Variants in DHRS7B observed in about 807,000 individuals in gnomAD.
DHRS7B encodes dehydrogenase/reductase 7B.
In DHRS7B, 24 loss-of-function variants were observed where a neutral mutation model predicts 26.4. The ratio of observed to expected loss-of-function variants is 0.91; its 90% CI spans 0.66 to 1.28. The LOEUF (loss-of-function observed/expected upper bound fraction) is 1.28, where lower values mean the gene tolerates loss of function less well. DHRS7B is among the 50% of genes most tolerant of loss of function. DHRS7B has a pLI of 0.00. For missense variants in DHRS7B, 368 were observed against 419.4 expected, an observed-to-expected ratio of 0.88 and a Z score of 1.07; for synonymous variants, 142 against 166.4, an observed-to-expected ratio of 0.85 and a Z score of 1.13.
intron 1 of DHRS7B, among the ~76,000 whole-genome samples, chr17:21,138,513 G>A (rs1321214250): frequency 2.6e-5 from 4 of 151,702 alleles, no homozygotes; most frequent in Admixed American, 6.6e-5. Flanking sequence ...GTGAGCCACC[G>A]CGCCTGGCAA....
intron 5 of DHRS7B, among the ~76,000 whole-genome samples, chr17:21,187,990 A>T (rs1974685392): frequency 6.6e-6 from 1 of 152,026 alleles, no homozygotes; most frequent in African/African-American, 2.4e-5. Context: ...CTGGGACTAC[A>T]GGCACCCGCC....
At chr17:21,167,844 T>C (rs1435683818) in intron 1 of DHRS7B, among the ~76,000 whole-genome samples, 1 of 152,262 alleles carries the variant, frequency 6.6e-6, no homozygotes, top group Admixed American at 6.5e-5. Context: ...ATAAAATGCA[T>C]GATTGATAAA....
At chr17:21,141,413 A>G (rs1973506278) in intron 1 of DHRS7B, among the ~76,000 whole-genome samples, 1 of 152,152 alleles carries the variant, frequency 6.6e-6, no homozygotes, top group South Asian at 2.1e-4. Flanking sequence ...AACTAGAATT[A>G]GGTTCCTTAA....
chr17:21,181,066 G>C (rs547911953), intron 3 of DHRS7B, among the ~76,000 whole-genome samples: 35 of 152,152 alleles, frequency 2.3e-4, no homozygotes, highest in Non-Finnish European at 7.3e-5. Flanking sequence ...CAATAGCAGA[G>C]ACTGGGTGAT....
At chr17:21,172,356 A>G in intron 2 of DHRS7B, 160 bp downstream of exon 2, 1 of 894,678 alleles carries the variant, frequency 1.1e-6, no homozygotes, top group Non-Finnish European at 1.7e-6. Flanking sequence ...GTACAAGTGG[A>G]AAAAGCAGGA....
chr17:21,160,209 T>C (rs767238299), intron 1 of DHRS7B, among the ~76,000 whole-genome samples: 9 of 151,904 alleles, frequency 5.9e-5, no homozygotes, highest in Non-Finnish European at 1.0e-4. Context: ...ATACAAAAAT[T>C]AGCCGGGCAT....
At chr17:21,140,583 A>T (rs994834928) in intron 1 of DHRS7B, among the ~76,000 whole-genome samples, 1 of 150,616 alleles carries the variant, frequency 6.6e-6, no homozygotes, top group African/African-American at 2.4e-5. Context: ...TTGCCACTAG[A>T]TAAATAGAAA....
intron 4 of DHRS7B, 36 bp downstream of exon 4, chr17:21,183,846 A>G: frequency 6.4e-7 from 1 of 1,564,882 alleles, no homozygotes; most frequent in Non-Finnish European, 8.8e-7. Context: ...GATAAGTGAT[A>G]TGTTGGCATT....
At chr17:21,143,720 C>A (rs904127066) in intron 1 of DHRS7B, among the ~76,000 whole-genome samples, 1 of 152,062 alleles carries the variant, frequency 6.6e-6, no homozygotes, top group Non-Finnish European at 1.5e-5. Context: ...CTGTGTGTGC[C>A]CCTTCTGAGG....
intron 1 of DHRS7B, among the ~76,000 whole-genome samples, chr17:21,147,979 G>A (rs898158636): frequency 1.3e-5 from 2 of 152,186 alleles, no homozygotes; most frequent in Non-Finnish European, 2.9e-5. Context: ...ACTCAGGGAG[G>A]CTAAGACAGG....
chr17:21,168,138 A>G (rs1444625567), intron 1 of DHRS7B, among the ~76,000 whole-genome samples: 2 of 152,230 alleles, frequency 1.3e-5, no homozygotes, highest in South Asian at 2.1e-4. Flanking sequence ...TAAGAACCCA[A>G]GAAGGCCCAG....
intron 1 of DHRS7B, among the ~76,000 whole-genome samples, chr17:21,133,729 A>G (rs1010299359): frequency 2.0e-5 from 3 of 152,164 alleles, no homozygotes; most frequent in African/African-American, 7.2e-5. Flanking sequence ...GTTTATTCCT[A>G]GTTAGTTAGG....
intron 6 of DHRS7B, among the ~76,000 whole-genome samples, chr17:21,189,111 C>G (rs933956879): frequency 6.6e-6 from 1 of 152,202 alleles, no homozygotes; most frequent in East Asian, 1.9e-4. Context: ...GTGGGCAGGA[C>G]TCAAGGGCTA....
In DHRS7B at chr17:21,145,190, G is replaced by C. The variant is rs1196267680; in HGVS notation, c.20+18199G>C. ...ATACAAAAAATTAGCCAGGCATGGT[G>C]GCGGGTGCCTGTAGTCCCAGCTACT... On this transcript the variant is annotated intron_variant, in intron 1 of 6. Coordinates refer to ENST00000395511, the MANE Select transcript of DHRS7B (RefSeq NM_015510.5). Among the ~76,000 whole-genome samples the C allele has an allele frequency of 3.3e-5, 5 of 152,096 alleles. No homozygotes were observed. In the South Asian group the frequency reaches 1.0e-3, roughly 32 times the overall value.
chr17:21,165,176 T>C (rs914083102), intron 1 of DHRS7B, among the ~76,000 whole-genome samples: 1 of 152,100 alleles, frequency 6.6e-6, no homozygotes, highest in Admixed American at 6.5e-5. Context: ...ATGGTGGTCT[T>C]GTCCCCCTCC....
intron 1 of DHRS7B, among the ~76,000 whole-genome samples, chr17:21,134,932 C>T (rs1221920608): frequency 1.3e-5 from 2 of 152,104 alleles, no homozygotes; most frequent in Non-Finnish European, 2.9e-5. Context: ...TTTAGCTCTC[C>T]GTGAGTCCTG....
At chr17:21,178,434 C>A in intron 3 of DHRS7B, 92 bp downstream of exon 3, 1 of 1,045,528 alleles carries the variant, frequency 9.6e-7, no homozygotes, top group Non-Finnish European at 1.4e-6. Flanking sequence ...GACTGCTGAG[C>A]TGTAGGACAT....
chr17:21,179,762 C>CTTTTTTTTTTTTTTTTTTTTT (rs55928399), intron 3 of DHRS7B, among the ~76,000 whole-genome samples: 1 of 137,606 alleles, frequency 7.3e-6, no homozygotes, highest in Non-Finnish European at 1.6e-5. Context: ...TTTTCACTTT[C>CTTTTTTTTTTTTTTTTTTTTT]TTTTTTTTTT....
Position 21,172,071 on chromosome 17 carries a change from T to G in DHRS7B, c.74T>G (p.Leu25Arg), listed in dbSNP as rs1397695695. 6.2e-7 allele frequency: 1 copy of G among 1,614,230 alleles called. No homozygotes were observed. The highest frequency in any genetic ancestry group is 1.7e-5 in the Admixed American group (1 of 60,030). ...AMDFITSTAI[L>R]PLLFGCLGVF... is the part of the protein sequence containing the mutation. ...GACTTCATCACCTCCACAGCCATCC[T>G]GCCCCTGCTGTTCGGCTGCCTGGGC... Residue 25 changes from leucine to arginine, a missense_variant, in exon 2 of 7, where the codon CTG (leucine) becomes CGG (arginine). Leu to Arg is a moderately radical substitution (Grantham distance 102). Transcript: ENST00000395511.
Sources: allele counts gnomAD v4.1 joint callset (sites outside exome capture counted in the v4.1 genomes callset), GRCh38; gene constraint gnomAD v4.1.1; transcripts MANE v1.5; gene names NCBI Gene and HGNC (gene_info 2026-07-23, HGNC 2026-07-21).